Variants in RIMS1 observed in about 807,000 individuals in gnomAD.
RIMS1 encodes regulating synaptic membrane exocytosis protein 1.
RIMS1 carries 83 observed loss-of-function variants against 214.1 expected under a neutral mutation model. The observed-to-expected ratio is 0.39, with a 90% CI of 0.32 to 0.47. The LOEUF is 0.47. RIMS1 is among the 20% of genes least tolerant of loss of function. The pLI is 0.99. For missense variants in RIMS1, 2,050 were observed against 2,161.8 expected (o/e 0.95, Z 1.03); for synonymous variants, 793 against 786.8 (o/e 1.01, Z -0.13).
chr6:71,886,822 T>A lies in RIMS1; in HGVS notation c.-202T>A. ...AACAAAGGCAGCATCCGGGGCTGGG[T>A]GGATGCAAACAACCATGAAAGACTG... On this transcript the variant is annotated 5_prime_UTR_variant, in exon 1 of 34. Coordinates refer to ENST00000521978, the MANE Select transcript of RIMS1 (RefSeq NM_014989.7). 1.6e-6 allele frequency: 1 copy of A among 618,962 alleles called. No homozygotes were observed. Among genetic ancestry groups the A allele is most frequent in the East Asian group, 2.8e-5 (1 of 35,760 alleles). The allele number at this position is 618,962 out of a possible 1,614,324, so 38.3% of individuals were successfully genotyped here.
At chr6:72,089,510 T>A (rs1189366822) in intron 2 of RIMS1, among the ~76,000 whole-genome samples, 3 of 152,052 alleles carry the variant, frequency 2.0e-5, no homozygotes, top group Admixed American at 2.0e-4. Context: ...TGCAGTGGCA[T>A]GATCATGGCT....
intron 2 of RIMS1, among the ~76,000 whole-genome samples, chr6:72,034,532 C>T (rs1819041988): frequency 6.6e-6 from 1 of 151,898 alleles, no homozygotes; most frequent in South Asian, 2.1e-4. Flanking sequence ...TGTGGTGCTC[C>T]ATACGCTAGC....
intron 28 of RIMS1, among the ~76,000 whole-genome samples, chr6:72,321,545 C>T (rs1044551097): frequency 6.6e-6 from 1 of 151,978 alleles, no homozygotes; most frequent in Non-Finnish European, 1.5e-5. Context: ...GCTTTTTACA[C>T]CATTATCCAC....
In RIMS1 at chr6:72,182,365, G is replaced by A. The variant is rs1441277858; in HGVS notation, c.894G>A (p.Ala298=). Residue 298 remains alanine (A), a synonymous_variant, in exon 6 of 34, where the codon GCG becomes GCA. Transcript: ENST00000521978. ...SERKRVPKTS[A]QPVEGAVEER... ...GGAAACGCGTGCCAAAGACCTCAGC[G>A]CAGCCCGTGGAGGGGGCCGTCGAAG... 3 of 1,613,848 alleles carry A rather than the reference G, an allele frequency of 1.9e-6. No homozygotes were observed. Among genetic ancestry groups the A allele is most frequent in the Non-Finnish European group, 2.5e-6 (3 of 1,179,846 alleles).
At chr6:72,163,931 C>T (rs2045867992) in intron 4 of RIMS1, among the ~76,000 whole-genome samples, 2 of 152,170 alleles carry the variant, frequency 1.3e-5, no homozygotes, top group African/African-American at 2.4e-5. Context: ...CAGACAGGGA[C>T]ATTTAAGTCT....
chr6:71,891,381 C>T (rs576262770), intron 1 of RIMS1, among the ~76,000 whole-genome samples: 1 of 152,352 alleles, frequency 6.6e-6, no homozygotes, highest in East Asian at 1.9e-4. Context: ...CTCTTCTTAA[C>T]AGGTCACCTA....
chr6:72,260,763 A>G lies in RIMS1; in HGVS notation c.3112A>G (p.Thr1038Ala), dbSNP rs760584050. 13 of 1,612,052 alleles carry G rather than the reference A, an allele frequency of 8.1e-6. No individual in the cohort carries two copies. The highest frequency in any genetic ancestry group is 1.7e-5 in the Admixed American group (1 of 59,814). Reference protein sequence around the residue: ...RGRSAECLHTTRHLVRHYKTL... With the variant: ...RGRSAECLHTARHLVRHYKTL... Reference sequence around the variant, plus strand: ...ACGAAGTGCAGAATGCCTACATACTACCAGGTAAATACAGGGATTTGGTAA... The same window carrying G: ...ACGAAGTGCAGAATGCCTACATACTGCCAGGTAAATACAGGGATTTGGTAA... The change falls in exon 19 of 34, where the codon ACC becomes GCC. Residue 1038 changes from threonine to alanine, a missense_variant. Transcript: ENST00000521978.
chr6:72,125,057 G>A (rs2039223963), intron 4 of RIMS1, among the ~76,000 whole-genome samples: 1 of 152,138 alleles, frequency 6.6e-6, no homozygotes, highest in Non-Finnish European at 1.5e-5. Context: ...AGGAGAAGAG[G>A]CACTCTGGAT....
At chr6:72,396,796 G>A (rs776182957) in intron 31 of RIMS1, among the ~76,000 whole-genome samples, 9 of 151,840 alleles carry the variant, frequency 5.9e-5, no homozygotes, top group Non-Finnish European at 1.2e-4. Flanking sequence ...GCAGATCACC[G>A]GAGGTCAGGA....
At position 72,163,803 on chromosome 6, in the gene RIMS1, G is replaced by C. The variant is rs531591239; in HGVS notation, c.472-15772G>C. ...TGTCAATCTGCCCCTACTGGCTGGG[G>C]GGGGGGGGCCTCCCAGTTAGGCTAC... On this transcript the variant is annotated intron_variant, in intron 4 of 33. Transcript: ENST00000521978. Among the ~76,000 whole-genome samples, 4 of 147,732 alleles carry C rather than the reference G, an allele frequency of 2.7e-5. 1 individual carries two copies. Among genetic ancestry groups the C allele is most frequent in the African/African-American group, 4.9e-5 (2 of 41,116 alleles).
At chr6:72,124,012 A>G (rs1402055595) in intron 4 of RIMS1, among the ~76,000 whole-genome samples, 1 of 151,816 alleles carries the variant, frequency 6.6e-6, no homozygotes, top group Non-Finnish European at 1.5e-5. Context: ...TGATCCTGTC[A>G]TTATGATGTT....
intron 1 of RIMS1, among the ~76,000 whole-genome samples, chr6:71,940,725 G>A (rs1187615122): frequency 6.6e-6 from 1 of 152,146 alleles, no homozygotes; most frequent in Non-Finnish European, 1.5e-5. Flanking sequence ...TTGGCCAATG[G>A]GATTAGGCCA....
chr6:71,941,449 C>T (rs1227276464), intron 1 of RIMS1, among the ~76,000 whole-genome samples: 1 of 152,126 alleles, frequency 6.6e-6, no homozygotes, highest in African/African-American at 2.4e-5. Context: ...GTTTCACATT[C>T]CATGTTTTAT....
At chr6:72,012,479 T>TA (rs541110426) in intron 2 of RIMS1, among the ~76,000 whole-genome samples, 145 of 151,638 alleles carry the variant, frequency 9.6e-4, no homozygotes, top group African/African-American at 2.2e-3. Context: ...TAAAGTATAA[T>TA]AAAAAAAACT....
intron 2 of RIMS1, among the ~76,000 whole-genome samples, chr6:71,975,031 C>T (rs966317462): frequency 6.6e-6 from 1 of 152,054 alleles, no homozygotes; most frequent in African/African-American, 2.4e-5. Context: ...ACCACCTGTA[C>T]CCCAATAACT....
chr6:72,143,224 C>A (rs573312592), intron 4 of RIMS1, among the ~76,000 whole-genome samples: 1 of 151,930 alleles, frequency 6.6e-6, no homozygotes, highest in Non-Finnish European at 1.5e-5. Flanking sequence ...TATATTATTT[C>A]TTTTTAAATA....
intron 2 of RIMS1, among the ~76,000 whole-genome samples, chr6:71,981,512 A>G (rs918732328): frequency 6.6e-6 from 1 of 152,144 alleles, no homozygotes; most frequent in East Asian, 1.9e-4. Context: ...GACATAATAT[A>G]TAATCAGTGA....
At chr6:72,205,597 A>G (rs978149380) in intron 6 of RIMS1, among the ~76,000 whole-genome samples, 2 of 152,200 alleles carry the variant, frequency 1.3e-5, no homozygotes, top group Non-Finnish European at 1.5e-5. Context: ...GAAATCATGT[A>G]AGAACTTTTC....
intron 28 of RIMS1, among the ~76,000 whole-genome samples, chr6:72,322,784 A>G (rs1314403976): frequency 1.3e-5 from 2 of 152,150 alleles, no homozygotes; most frequent in African/African-American, 2.4e-5. Context: ...AGCAGAGAGC[A>G]GTGTTCTTAC....
Sources: gnomAD v4.1 joint callset for allele counts (sites outside exome capture counted in the v4.1 genomes callset) on GRCh38, gnomAD v4.1.1 for gene constraint, MANE v1.5 for transcripts, NCBI Gene and HGNC (gene_info 2026-07-23, HGNC 2026-07-21) for gene names.